The following CCDC85C variants were observed in gnomAD, a reference collection of about 807,000 sequenced individuals.
The protein encoded by CCDC85C is coiled-coil domain containing 85C.
Under a neutral mutation model 38.3 loss-of-function variants are expected in CCDC85C, and 18 were observed. The observed-to-expected ratio is 0.47, with a 90% CI of 0.33 to 0.70. CCDC85C has a LOEUF of 0.70. CCDC85C is among the 30% of genes least tolerant of loss of function. CCDC85C has a pLI of 0.03. For missense variants in CCDC85C, 566 were observed against 621.2 expected, an observed-to-expected ratio of 0.91 and a Z score of 0.94; for synonymous variants, 264 against 293.8, an observed-to-expected ratio of 0.90 and a Z score of 1.04.
In CCDC85C at chr14:99,505,581, T is replaced by G. The variant is rs1896953807; in HGVS notation, c.*9665A>C. On this transcript the variant is annotated 3_prime_UTR_variant, in exon 6 of 6. Transcript: ENST00000380243. Reference sequence around the variant, plus strand: ...CAGGCTGGAGTGCTCCTTTTTCTTGTTAAAGTGGTTCCTGGCACACTTGTA... The same window carrying G: ...CAGGCTGGAGTGCTCCTTTTTCTTGGTAAAGTGGTTCCTGGCACACTTGTA... The G allele has an allele frequency of 6.6e-6, 1 of 152,238 alleles. No individual in the cohort carries two copies. 9.4% of individuals were successfully genotyped at this position (152,238 alleles called of 1,614,324 possible). A position where few individuals can be genotyped will look rare whatever the true frequency, so the allele number is the denominator to read the frequency against.
Position 99,503,700 on chromosome 14 carries a change from A to C in CCDC85C, c.*11546T>G. ...TTATGTGTTTATATGCAAAACTTTA[A>C]ATTCTTAGCCAACATTGTTTCTTTT... On this transcript the variant is annotated 3_prime_UTR_variant, in exon 6 of 6. Transcript: ENST00000380243. The C allele has an allele frequency of 7.1e-7, 1 of 1,406,502 alleles. No homozygotes were observed. Among genetic ancestry groups the C allele is most frequent in the Non-Finnish European group, 9.8e-7 (1 of 1,024,426 alleles). 87.1% of individuals were successfully genotyped at this position (1,406,502 alleles called of 1,614,324 possible).
At chr14:99,591,336 G>A (rs1272480094) in intron 1 of CCDC85C, among the ~76,000 whole-genome samples, 3 of 152,236 alleles carry the variant, frequency 2.0e-5, no homozygotes, top group African/African-American at 7.2e-5. Flanking sequence ...CCCCACATGC[G>A]CCCGCTCAAG....
At chr14:99,567,547 G>A (rs952574454) in intron 1 of CCDC85C, among the ~76,000 whole-genome samples, 4 of 152,296 alleles carry the variant, frequency 2.6e-5, no homozygotes, top group African/African-American at 7.2e-5. Context: ...GCAGGAGGCC[G>A]GACACAGGGG....
At chr14:99,528,848 G>A (rs942217572) in intron 2 of CCDC85C, among the ~76,000 whole-genome samples, 3 of 152,148 alleles carry the variant, frequency 2.0e-5, no homozygotes, top group Admixed American at 2.0e-4. Flanking sequence ...AGGGGGACGA[G>A]GGGAGGGAGA....
rs771306801 is a variant in CCDC85C at position 99,508,144 on chromosome 14, G to C, written c.*7102C>G. 2 of 152,230 alleles carry C rather than the reference G, an allele frequency of 1.3e-5. No homozygotes were observed. Among genetic ancestry groups the C allele is most frequent in the Non-Finnish European group, 2.9e-5 (2 of 68,052 alleles). 9.4% of individuals were successfully genotyped at this position (152,230 alleles called of 1,614,324 possible). Reference sequence around the variant, plus strand: ...CAGATGTGCCACAGATTACATTTCTGTTCCTACTCAATCATGATAGTGTTT... The same window carrying C: ...CAGATGTGCCACAGATTACATTTCTCTTCCTACTCAATCATGATAGTGTTT... On this transcript the variant is annotated 3_prime_UTR_variant, in exon 6 of 6. Coordinates refer to ENST00000380243, the MANE Select transcript of CCDC85C (RefSeq NM_001144995.2).
chr14:99,540,730 C>T (rs1441737073), intron 1 of CCDC85C, among the ~76,000 whole-genome samples: 1 of 152,196 alleles, frequency 6.6e-6, no homozygotes, highest in African/African-American at 2.4e-5. Context: ...TGTCTCCCTA[C>T]AACGTTCTTG....
At chr14:99,538,197 A>T (rs545834580) in intron 1 of CCDC85C, among the ~76,000 whole-genome samples, 1 of 152,312 alleles carries the variant, frequency 6.6e-6, no homozygotes, top group South Asian at 2.1e-4. Flanking sequence ...CACAAGGAAC[A>T]AAGTGTCCCC....
Position 99,500,639 on chromosome 14 carries a change from G to T in CCDC85C, c.*14607C>A. The T allele has an allele frequency of 1.5e-6, 1 of 680,376 alleles. No homozygotes were observed. Among genetic ancestry groups the T allele is most frequent in the Admixed American group, 2.5e-5 (1 of 40,054 alleles). The allele number at this position is 680,376 out of a possible 1,614,324, so 42.1% of individuals were successfully genotyped here. On this transcript the variant is annotated 3_prime_UTR_variant, in exon 6 of 6. Transcript: ENST00000380243. ...GTTAAAAGTCTGAGTGGGAGAGAAA[G>T]GAAGGAAAGGCAGTTGCTAAAATAT... is the stretch of plus-strand genomic sequence containing the variant.
At chr14:99,521,918 G>A (rs115898640) in intron 3 of CCDC85C, among the ~76,000 whole-genome samples, 5,355 of 152,286 alleles carry the variant, frequency 0.035, 291 homozygotes, top group African/African-American at 0.12. Context: ...CCCTGCGCAC[G>A]TGGCCTCTGG....
At chr14:99,589,204 G>A (rs371172347) in intron 1 of CCDC85C, among the ~76,000 whole-genome samples, 22 of 151,162 alleles carry the variant, frequency 1.5e-4, no homozygotes, top group East Asian at 7.8e-4. Context: ...ACACAGCCAC[G>A]GCCGGGATCA....
chr14:99,536,170 C>T (rs1273741981), intron 1 of CCDC85C, 82 bp from the exon 2 acceptor site: 6 of 1,005,308 alleles, frequency 6.0e-6, no homozygotes, highest in East Asian at 2.6e-5. Context: ...GCCCCAGACC[C>T]GGCATGGAAG....
chr14:99,558,780 G>A lies in CCDC85C; in HGVS notation c.794-22692C>T, dbSNP rs1172454145. 1.3e-5 allele frequency among the ~76,000 whole-genome samples: 2 copies of A among 152,186 alleles called. No individual in the cohort carries two copies. The highest frequency in any genetic ancestry group is 4.8e-5 in the African/African-American group (2 of 41,446). On this transcript the variant is annotated intron_variant, in intron 1 of 5. Coordinates refer to ENST00000380243, the MANE Select transcript of CCDC85C (RefSeq NM_001144995.2). The surrounding 1 kb of genome is among the most constrained non-coding windows in gnomAD (Gnocchi z 4.2). ...GGAACACCAGGAGTCATCAGAAGCA[G>A]GAAGAGGCAAGGAAGGTGATGTGGT...
intron 3 of CCDC85C, among the ~76,000 whole-genome samples, chr14:99,519,397 G>T (rs909910142): frequency 6.6e-6 from 1 of 151,438 alleles, no homozygotes; most frequent in Admixed American, 6.6e-5. Flanking sequence ...GATTATAGGC[G>T]TGAGCCACTG....
At position 99,569,917 on chromosome 14, in the gene CCDC85C, G is replaced by A. The variant is rs1898301455; in HGVS notation, c.793+33250C>T. Among the ~76,000 whole-genome samples the A allele has an allele frequency of 6.6e-6, 1 of 152,050 alleles. No homozygotes were observed. The highest frequency in any genetic ancestry group is 2.4e-5 in the African/African-American group (1 of 41,466). On this transcript the variant is annotated intron_variant, in intron 1 of 5. Coordinates refer to ENST00000380243, the MANE Select transcript of CCDC85C (RefSeq NM_001144995.2). This position sits in a 1 kb window ranked among gnomAD's most constrained non-coding sequence, Gnocchi z 4.3. ...GTCAAGGCTGCAGTGAGCTATGATA[G>A]TGTCACTGCACTCCAGCCTGGGTGA... is the stretch of plus-strand genomic sequence containing the variant.
rs1429617657 is a variant in CCDC85C, at chr14:99,512,121, A to C, written c.*3125T>G. 1 of 152,214 alleles carries C rather than the reference A, an allele frequency of 6.6e-6. No individual in the cohort carries two copies. The highest frequency in any genetic ancestry group is 1.9e-4 in the East Asian group (1 of 5,190). 9.4% of individuals were successfully genotyped at this position (152,214 alleles called of 1,614,324 possible). On this transcript the variant is annotated 3_prime_UTR_variant, in exon 6 of 6. Coordinates refer to ENST00000380243, the MANE Select transcript of CCDC85C (RefSeq NM_001144995.2). ...GTTACTCCTTTTACTAAAATAGTTC[A>C]AATCAATGTTTTTACCACACTATCA...
intron 1 of CCDC85C, among the ~76,000 whole-genome samples, chr14:99,601,312 C>T (rs2055196305): frequency 6.6e-6 from 1 of 152,198 alleles, no homozygotes; most frequent in Admixed American, 6.5e-5. Context: ...ATACTTCAAC[C>T]TCCCACTGAC....
Position 99,501,216 on chromosome 14 carries a change from TTCA to T in CCDC85C, c.*14027_*14029del. ...AGGGGTAGGATGTGGACCCACATCA[TTCA>T]TCCTTGTTTCCCACGCAAAAGCTCT... On this transcript the variant is annotated 3_prime_UTR_variant, in exon 6 of 6. Coordinates refer to ENST00000380243, the MANE Select transcript of CCDC85C (RefSeq NM_001144995.2). 1 of 656,788 alleles carries T rather than the reference TTCA, an allele frequency of 1.5e-6. No individual in the cohort carries two copies. Among genetic ancestry groups the T allele is most frequent in the South Asian group, 1.8e-5 (1 of 55,348 alleles). 40.7% of individuals were successfully genotyped at this position (656,788 alleles called of 1,614,324 possible).
chr14:99,544,495 T>TGG lies in CCDC85C; in HGVS notation c.794-8408_794-8407insCC, dbSNP rs1897770876. Among the ~76,000 whole-genome samples the TGG allele has an allele frequency of 1.3e-5, 2 of 150,280 alleles. No individual in the cohort carries two copies. Among genetic ancestry groups the TGG allele is most frequent in the East Asian group, 1.9e-4 (1 of 5,146 alleles). On this transcript the variant is annotated intron_variant, in intron 1 of 5. Coordinates refer to ENST00000380243, the MANE Select transcript of CCDC85C (RefSeq NM_001144995.2). This position sits in a 1 kb window ranked among gnomAD's most constrained non-coding sequence, Gnocchi z 5.3. ...ACAGGGCTAAAATTTGAAGGGTGTGTGTGTGTGTGTGTGTGTGTGTGTCTG... is the reference window on the plus strand; with the variant it reads ...ACAGGGCTAAAATTTGAAGGGTGTGTGGGTGTGTGTGTGTGTGTGTGTGTCTG...
rs1380125276 is a variant in CCDC85C at position 99,507,315 on chromosome 14, G to A, written c.*7931C>T. 43 of 636,200 alleles carry A rather than the reference G, an allele frequency of 6.8e-5. No homozygotes were observed. Among genetic ancestry groups the A allele is most frequent in the Non-Finnish European group, 1.4e-5 (5 of 352,832 alleles). The allele number at this position is 636,200 out of a possible 1,614,324, so 39.4% of individuals were successfully genotyped here. A position where few individuals can be genotyped will look rare whatever the true frequency, so the allele number is the denominator to read the frequency against. ...TCTTGGGCTGGGCACAATGGCTTGT[G>A]TTTTTGATCCCAGCACTTTGGGAGG... is the stretch of plus-strand genomic sequence containing the variant. On this transcript the variant is annotated 3_prime_UTR_variant, in exon 6 of 6. Transcript: ENST00000380243.
Sources: gnomAD v4.1 joint callset for allele counts (sites outside exome capture counted in the v4.1 genomes callset) on GRCh38, gnomAD v4.1.1 for gene constraint, Gnocchi (gnomAD v3.1) non-coding constraint, MANE v1.5 for transcripts, NCBI Gene and HGNC (gene_info 2026-07-23, HGNC 2026-07-21) for gene names.